The following GLRX3 variants were observed in gnomAD, a reference collection of about 807,000 sequenced individuals.
GLRX3 encodes glutaredoxin 3.
A neutral mutation model predicts 49.5 loss-of-function variants in GLRX3; 22 were observed. That is an observed-to-expected ratio of 0.44 (90% CI 0.32 to 0.63). The LOEUF (loss-of-function observed/expected upper bound fraction) is 0.63. Ranked by LOEUF, GLRX3 falls within the 30% of genes least tolerant of loss-of-function variation. The pLI is 0.05. For synonymous variants in GLRX3, 133 were observed against 140.0 expected, an observed-to-expected ratio of 0.95 and a Z score of 0.35; for missense variants, 385 against 396.3, an observed-to-expected ratio of 0.97 and a Z score of 0.24.
chr10:130,148,741 C>T (rs943995519), intron 2 of GLRX3, among the ~76,000 whole-genome samples: 3 of 152,008 alleles, frequency 2.0e-5, no homozygotes, highest in South Asian at 2.1e-4. Flanking sequence ...CTGAATCCCT[C>T]ATTCTCTGTA....
intron 8 of GLRX3, among the ~76,000 whole-genome samples, chr10:130,173,341 C>T (rs1048961880): frequency 2.0e-5 from 3 of 152,140 alleles, no homozygotes; most frequent in African/African-American, 7.2e-5. Flanking sequence ...AGAGCATGAC[C>T]TCCCAGCTCT....
intron 2 of GLRX3, 115 bp from the exon 3 acceptor site, chr10:130,159,880 G>C: frequency 7.4e-7 from 1 of 1,348,344 alleles, no homozygotes. Context: ...TTTGTACCAT[G>C]CTCTTTAAAA....
intron 2 of GLRX3, among the ~76,000 whole-genome samples, chr10:130,154,050 C>T (rs1862430129): frequency 1.3e-5 from 2 of 152,226 alleles, no homozygotes. Flanking sequence ...GCGGACGCCC[C>T]TCCCCTAGCC....
At chr10:130,176,790 C>T (rs1247306171) in intron 10 of GLRX3, among the ~76,000 whole-genome samples, 2 of 135,586 alleles carry the variant, frequency 1.5e-5, no homozygotes, top group African/African-American at 5.4e-5. Context: ...CTCTCTCTCT[C>T]TCTATATATA....
chr10:130,136,481 CAGTTTGAGG>C lies in GLRX3; in HGVS notation c.64_72del (p.Phe22_Glu24del), dbSNP rs1564984024. 2 of 1,266,374 alleles carry C rather than the reference CAGTTTGAGG, an allele frequency of 1.6e-6. No homozygotes were observed. 78.4% of individuals were successfully genotyped at this position (1,266,374 alleles called of 1,614,324 possible). A position where few individuals can be genotyped will look rare whatever the true frequency, so the allele number is the denominator to read the frequency against. ...CGTGGAGGAGGTCGGCTCAGCCGGG[CAGTTTGAGG>C]AGCTGCTGCGCCTCAAAGCCAAGTA... On this transcript the variant is annotated inframe_deletion, in exon 1 of 11. Transcript: ENST00000331244.
At position 130,140,494 on chromosome 10, in the gene GLRX3, T is replaced by C. The variant is rs1484777419; in HGVS notation, c.92+3982T>C. Among the ~76,000 whole-genome samples, 3 of 152,332 alleles carry C rather than the reference T, an allele frequency of 2.0e-5. No individual in the cohort carries two copies. In the East Asian group the frequency reaches 5.8e-4, roughly 29 times the overall value. ...TTAAATAGGAGAATATTGTGGATAA[T>C]TTCAACTAACAATATCATGTTTTAA... On this transcript the variant is annotated intron_variant, in intron 1 of 10. Coordinates refer to ENST00000331244, the MANE Select transcript of GLRX3 (RefSeq NM_006541.5).
intron 4 of GLRX3, among the ~76,000 whole-genome samples, chr10:130,163,212 A>G (rs34292334): frequency 0.57 from 86,303 of 151,942 alleles, 24,998 homozygotes; most frequent in African/African-American, 0.67. Flanking sequence ...ATCGCTTGAG[A>G]TCAGGAGTTC....
At position 130,174,656 on chromosome 10, in the gene GLRX3, G is replaced by A. The variant is rs144348313; in HGVS notation, c.825-211G>A. Among the ~76,000 whole-genome samples the A allele has an allele frequency of 2.0e-4, 30 of 152,272 alleles. No homozygotes were observed. In the East Asian group the frequency reaches 4.8e-3, roughly 24 times the overall value. On this transcript the variant is annotated intron_variant, in intron 8 of 10. Coordinates refer to ENST00000331244, the MANE Select transcript of GLRX3 (RefSeq NM_006541.5). ...CCCCTGGTCTAACCCAATATTGTCCGGAGAAAAATCCAGATAAAGTCATAT... is the reference window on the plus strand; with the variant it reads ...CCCCTGGTCTAACCCAATATTGTCCAGAGAAAAATCCAGATAAAGTCATAT...
At chr10:130,171,746 G>C (rs964388240) in intron 8 of GLRX3, 110 bp downstream of exon 8, 6 of 739,786 alleles carry the variant, frequency 8.1e-6, no homozygotes, top group Non-Finnish European at 1.4e-5. Context: ...CAGGAATATT[G>C]CTTGAGCCCA....
intron 8 of GLRX3, among the ~76,000 whole-genome samples, chr10:130,172,637 T>G: frequency 6.6e-6 from 1 of 152,208 alleles, no homozygotes; most frequent in East Asian, 1.9e-4. Flanking sequence ...GAATACAATT[T>G]CAGGGACATA....
chr10:130,155,399 G>A (rs2134893145), intron 2 of GLRX3, among the ~76,000 whole-genome samples: 1 of 152,308 alleles, frequency 6.6e-6, no homozygotes, highest in South Asian at 2.1e-4. Flanking sequence ...AAGCGGGAAG[G>A]GTGCAGAATA....
chr10:130,167,021 A>G, intron 6 of GLRX3, 41 bp downstream of exon 6: 1 of 1,048,446 alleles, frequency 9.5e-7, no homozygotes, highest in Non-Finnish European at 1.4e-6. Context: ...ATCATTTAAT[A>G]TATTAAAAAT....
intron 2 of GLRX3, among the ~76,000 whole-genome samples, chr10:130,152,453 C>T (rs1862395904): frequency 6.6e-6 from 1 of 152,196 alleles, no homozygotes; most frequent in Non-Finnish European, 1.5e-5. Context: ...CTGGTTGTTC[C>T]TTTCCATGTT....
intron 6 of GLRX3, among the ~76,000 whole-genome samples, chr10:130,167,467 A>G (rs1862715541): frequency 6.6e-6 from 1 of 152,196 alleles, no homozygotes; most frequent in African/African-American, 2.4e-5. Flanking sequence ...GAGAACTTAC[A>G]TGAACAGATT....
intron 8 of GLRX3, among the ~76,000 whole-genome samples, chr10:130,172,519 G>A (rs1431077126): frequency 6.6e-6 from 1 of 152,134 alleles, no homozygotes; most frequent in Non-Finnish European, 1.5e-5. Context: ...TTTCATGATT[G>A]TATCTTTTAA....
At chr10:130,151,202 A>G (rs1467224576) in intron 2 of GLRX3, among the ~76,000 whole-genome samples, 1 of 152,162 alleles carries the variant, frequency 6.6e-6, no homozygotes, top group Non-Finnish European at 1.5e-5. Context: ...CTGGGATTAC[A>G]GGCATGAGCC....
At chr10:130,151,855 T>C (rs1345239921) in intron 2 of GLRX3, among the ~76,000 whole-genome samples, 2 of 152,342 alleles carry the variant, frequency 1.3e-5, no homozygotes, top group East Asian at 3.9e-4. Context: ...TAGATCTTCC[T>C]CCATCCCTTT....
intron 8 of GLRX3, among the ~76,000 whole-genome samples, chr10:130,172,320 G>C (rs1387155788): frequency 2.0e-5 from 3 of 152,150 alleles, no homozygotes; most frequent in African/African-American, 7.2e-5. Context: ...CACATATTAA[G>C]GTCCATTACC....
chr10:130,137,020 G>A (rs1399133451), intron 1 of GLRX3, among the ~76,000 whole-genome samples: 1 of 152,270 alleles, frequency 6.6e-6, no homozygotes, highest in Non-Finnish European at 1.5e-5. Context: ...CTCCCTTCAG[G>A]AACGCCCCTG....
Sources: gnomAD v4.1 joint callset for allele counts (sites outside exome capture counted in the v4.1 genomes callset) on GRCh38, gnomAD v4.1.1 for gene constraint, MANE v1.5 for transcripts, NCBI Gene and HGNC (gene_info 2026-07-23, HGNC 2026-07-21) for gene names.